FHIT: variants seen among roughly 807,000 people sequenced by gnomAD.
The protein encoded by FHIT is bis(5'-adenosyl)-triphosphatase.
In FHIT, 19 loss-of-function variants were observed where a neutral mutation model predicts 17.9. The ratio of observed to expected loss-of-function variants is 1.06; its 90% CI spans 0.74 to 1.56. The LOEUF (loss-of-function observed/expected upper bound fraction) is 1.56. FHIT is among the 40% of genes most tolerant of loss of function. The pLI, the probability that FHIT is intolerant of heterozygous loss-of-function variation, is 0.00. For missense variants in FHIT, 248 were observed against 189.2 expected (o/e 1.31, Z -1.82); for synonymous variants, 81 against 69.7 (o/e 1.16, Z -0.81).
intron 4 of FHIT, among the ~76,000 whole-genome samples, chr3:60,616,281 A>G (rs1298797002): frequency 1.3e-5 from 2 of 152,218 alleles, no homozygotes; most frequent in African/African-American, 4.8e-5. Context: ...AAATCTTCAC[A>G]TTTGAAAATA....
At chr3:59,938,643 T>C (rs902742801) in intron 7 of FHIT, among the ~76,000 whole-genome samples, 3 of 152,232 alleles carry the variant, frequency 2.0e-5, no homozygotes, top group African/African-American at 4.8e-5. Flanking sequence ...TATTTTACTA[T>C]TTTGTATATA....
chr3:59,770,525 G>A (rs916469150), intron 8 of FHIT, among the ~76,000 whole-genome samples: 4 of 152,186 alleles, frequency 2.6e-5, no homozygotes, highest in Non-Finnish European at 5.9e-5. Flanking sequence ...AAGATCATCA[G>A]CAAACTCCCA....
At chr3:60,437,702 G>A (rs930055228) in intron 5 of FHIT, among the ~76,000 whole-genome samples, 9 of 152,036 alleles carry the variant, frequency 5.9e-5, no homozygotes, top group Admixed American at 5.9e-4. Flanking sequence ...TCATATGAGG[G>A]TATGTAGTTC....
At chr3:61,140,574 T>C (rs2037052467) in intron 2 of FHIT, among the ~76,000 whole-genome samples, 1 of 152,120 alleles carries the variant, frequency 6.6e-6, no homozygotes, top group African/African-American at 2.4e-5. Flanking sequence ...GTAGCAAGCA[T>C]ACAGTCAAAG....
chr3:60,567,701 T>C lies in FHIT; in HGVS notation c.-17-30722A>G, dbSNP rs181710895. 1.3e-3 allele frequency among the ~76,000 whole-genome samples: 191 copies of C among 152,278 alleles called. 1 individual carries two copies. Among genetic ancestry groups the C allele is most frequent in the African/African-American group, 4.5e-3 (186 of 41,550 alleles). ...AGAATGGGAGAAAATTTTTGCAGTCTACCCATCTGACAAAGGGCTAATATC... is the reference window on the plus strand; with the variant it reads ...AGAATGGGAGAAAATTTTTGCAGTCCACCCATCTGACAAAGGGCTAATATC... On this transcript the variant is annotated intron_variant, in intron 4 of 9. Transcript: ENST00000492590.
At chr3:60,075,844 G>A (rs1294475667) in intron 5 of FHIT, among the ~76,000 whole-genome samples, 6 of 152,052 alleles carry the variant, frequency 3.9e-5, no homozygotes, top group African/African-American at 1.4e-4. Flanking sequence ...CCTCCCCTGT[G>A]ATTTATGCCA....
At chr3:60,142,324 C>T (rs1273202395) in intron 5 of FHIT, among the ~76,000 whole-genome samples, 9 of 152,140 alleles carry the variant, frequency 5.9e-5, no homozygotes, top group Admixed American at 5.9e-4. Context: ...AAATATGTTG[C>T]ACAGGGCCCA....
chr3:60,316,534 T>C (rs1426655365), intron 5 of FHIT, among the ~76,000 whole-genome samples: 1 of 152,218 alleles, frequency 6.6e-6, no homozygotes, highest in Admixed American at 6.5e-5. Flanking sequence ...CAGCAAGCAC[T>C]ATTTCTCAAT....
chr3:60,719,069 A>C (rs554204801), intron 4 of FHIT, among the ~76,000 whole-genome samples: 1 of 152,216 alleles, frequency 6.6e-6, no homozygotes, highest in Non-Finnish European at 1.5e-5. Flanking sequence ...CATGCCCAAC[A>C]GCCAGCCCCA....
At chr3:60,531,871 G>A (rs1447511146) in intron 5 of FHIT, among the ~76,000 whole-genome samples, 2 of 152,202 alleles carry the variant, frequency 1.3e-5, no homozygotes, top group African/African-American at 4.8e-5. Context: ...CGTATTAAAA[G>A]ATATTTGTCA....
At chr3:60,427,827 A>G (rs2107284739) in intron 5 of FHIT, among the ~76,000 whole-genome samples, 1 of 152,062 alleles carries the variant, frequency 6.6e-6, no homozygotes, top group South Asian at 2.1e-4. Flanking sequence ...TATCTCCCAA[A>G]TCTACCTTAT....
In FHIT at chr3:60,443,250, C is replaced by T. The variant is rs186194179; in HGVS notation, c.103+93610G>A. ...ACAATTTGACTTCCTCTTTTCCTAA[C>T]TGAATACCCTTTACTTCTTTCTCCT... On this transcript the variant is annotated intron_variant, in intron 5 of 9. Transcript: ENST00000492590. 5.4e-3 allele frequency among the ~76,000 whole-genome samples: 822 copies of T among 152,202 alleles called. 9 individuals carry two copies. Among genetic ancestry groups the T allele is most frequent in the African/African-American group, 0.019 (788 of 41,540 alleles).
In FHIT at chr3:60,308,512, A is replaced by G. The variant is rs540906930; in HGVS notation, c.103+228348T>C. Among the ~76,000 whole-genome samples the G allele has an allele frequency of 4.5e-4, 68 of 149,782 alleles. 3 individuals carry two copies. In the South Asian group the frequency reaches 0.014, roughly 31 times the overall value. On this transcript the variant is annotated intron_variant, in intron 5 of 9. Coordinates refer to ENST00000492590, the MANE Select transcript of FHIT (RefSeq NM_002012.4). ...GGTGTATGTGTATATATATATATATATATATATATATATATATGCCTCTCA... is the reference window on the plus strand; with the variant it reads ...GGTGTATGTGTATATATATATATATGTATATATATATATATATGCCTCTCA...
chr3:60,622,373 T>TC (rs1258714832), intron 4 of FHIT, among the ~76,000 whole-genome samples: 1 of 152,160 alleles, frequency 6.6e-6, no homozygotes, highest in Non-Finnish European at 1.5e-5. Flanking sequence ...CTAGATTTTT[T>TC]TTTTTAACAC....
chr3:61,147,269 A>G (rs2037252729), intron 2 of FHIT, among the ~76,000 whole-genome samples: 1 of 152,110 alleles, frequency 6.6e-6, no homozygotes, highest in South Asian at 2.1e-4. Flanking sequence ...GATTTTTAAT[A>G]TTAGCAGTTA....
intron 5 of FHIT, among the ~76,000 whole-genome samples, chr3:60,482,490 G>A (rs77478339): frequency 6.6e-6 from 1 of 152,126 alleles, no homozygotes; most frequent in Non-Finnish European, 1.5e-5. Flanking sequence ...TAGGACCACA[G>A]TGCAATCAAA....
intron 7 of FHIT, among the ~76,000 whole-genome samples, chr3:59,950,434 C>T (rs1009602628): frequency 6.6e-6 from 1 of 152,110 alleles, no homozygotes; most frequent in Non-Finnish European, 1.5e-5. Context: ...GGGCAAATCC[C>T]CCTCCTCATC....
At chr3:60,631,196 A>T (rs2039432397) in intron 4 of FHIT, among the ~76,000 whole-genome samples, 1 of 152,154 alleles carries the variant, frequency 6.6e-6, no homozygotes, top group Admixed American at 6.5e-5. Context: ...CTAGCAGATT[A>T]GGTTTCAGAG....
intron 5 of FHIT, among the ~76,000 whole-genome samples, chr3:60,450,261 G>A (rs1007275030): frequency 4.0e-5 from 6 of 151,792 alleles, no homozygotes; most frequent in Non-Finnish European, 7.4e-5. Flanking sequence ...CAATGTCTAC[G>A]TCAACACTGG....
Sources: allele counts gnomAD v4.1 joint callset (sites outside exome capture counted in the v4.1 genomes callset), GRCh38; gene constraint gnomAD v4.1.1; transcripts MANE v1.5; gene names NCBI Gene and HGNC (gene_info 2026-07-23, HGNC 2026-07-21).